The following SLCO2A1 variants were observed in gnomAD, a reference collection of about 807,000 sequenced individuals.
SLCO2A1 encodes the protein matrin F/G 1.
A neutral mutation model predicts 71.7 loss-of-function variants in SLCO2A1; 60 were observed. The ratio of observed to expected loss-of-function variants is 0.84; its 90% CI spans 0.68 to 1.04. The LOEUF is 1.04. Among genes scored for constraint, SLCO2A1 ranks in the 50% least tolerant of loss-of-function variants. The pLI is 0.00. For missense variants in SLCO2A1, 745 were observed against 813.4 expected (o/e 0.92, Z 1.02); for synonymous variants, 308 against 326.7 (o/e 0.94, Z 0.62).
chr3:133,948,109 G>A (rs1287470335), intron 8 of SLCO2A1, among the ~76,000 whole-genome samples: 1 of 152,166 alleles, frequency 6.6e-6, no homozygotes, highest in Non-Finnish European at 1.5e-5. Flanking sequence ...GGTGCAGCCT[G>A]GGTTGAGAAT....
rs372051007 is a variant in SLCO2A1 at position 133,962,962 on chromosome 3, C to T, written c.398-7769G>A. ...TATCAGTCTGTTTCTCATCTTCCCC[C>T]AGGCAACCTTCTGGAAGGCTCAAGT... is the stretch of plus-strand genomic sequence containing the variant. On this transcript the variant is annotated intron_variant, in intron 3 of 13. Transcript: ENST00000310926. Among the ~76,000 whole-genome samples the T allele has an allele frequency of 1.4e-3, 214 of 152,288 alleles. 1 individual carries two copies. Among genetic ancestry groups the T allele is most frequent in the African/African-American group, 4.8e-3 (200 of 41,570 alleles).
At chr3:133,976,990 C>T (rs1934474691) in intron 2 of SLCO2A1, among the ~76,000 whole-genome samples, 1 of 152,192 alleles carries the variant, frequency 6.6e-6, no homozygotes, top group African/African-American at 2.4e-5. Flanking sequence ...CTGGAAGCTG[C>T]AGACTGAAGG....
intron 1 of SLCO2A1, among the ~76,000 whole-genome samples, chr3:134,008,530 A>AT (rs1229346489): frequency 6.6e-6 from 1 of 152,180 alleles, no homozygotes; most frequent in Non-Finnish European, 1.5e-5. Context: ...CCCACCCAAG[A>AT]ATGTTCTCTA....
chr3:133,948,884 G>A lies in SLCO2A1; in HGVS notation c.940+9C>T, dbSNP rs776426056. 2.5e-6 allele frequency: 4 copies of A among 1,613,508 alleles called. No individual in the cohort carries two copies. The South Asian group carries it at 3.3e-5, about 13-fold the overall frequency. ...GTGCCAGCCCACCCAGGGCTGTAGG[G>A]TCAGTTACGTTTAATGAAATCCACC... On this transcript the variant is annotated intron_variant, in intron 7 of 13. Transcript: ENST00000310926.
intron 6 of SLCO2A1, 150 bp from the exon 7 acceptor site, chr3:133,949,121 T>C (rs1032033002): frequency 3.1e-6 from 2 of 645,634 alleles, no homozygotes; most frequent in Non-Finnish European, 5.5e-6. Flanking sequence ...ATCCAGAGAA[T>C]GCTCTCCTGA....
At chr3:134,029,299 C>A (rs1214204451) in intron 1 of SLCO2A1, among the ~76,000 whole-genome samples, 1 of 152,166 alleles carries the variant, frequency 6.6e-6, no homozygotes, top group Non-Finnish European at 1.5e-5. Flanking sequence ...CACCTCCAAG[C>A]CCATCCCATT....
At position 133,934,841 on chromosome 3, in the gene SLCO2A1, G is replaced by GA. The variant is rs1559926164; in HGVS notation, c.1815-12dup. The GA allele has an allele frequency of 1.9e-6, 3 of 1,603,632 alleles. No individual in the cohort carries two copies. Among genetic ancestry groups the GA allele is most frequent in the Non-Finnish European group, 2.6e-6 (3 of 1,176,188 alleles). On this transcript the variant is annotated splice_polypyrimidine_tract_variant and intron_variant, in intron 13 of 13. Coordinates refer to ENST00000310926, the MANE Select transcript of SLCO2A1 (RefSeq NM_005630.3). ...TGCAGGCCCAGGTACCTGTGGGCAG[G>GA]AGGAGGCAGGACTGGTGAGGGAGGG...
chr3:134,005,648 AT>A (rs1308150599), intron 1 of SLCO2A1, among the ~76,000 whole-genome samples: 1 of 151,636 alleles, frequency 6.6e-6, no homozygotes, highest in Non-Finnish European at 1.5e-5. Flanking sequence ...CGCCCGGCTA[AT>A]TTTTTGTATT....
intron 11 of SLCO2A1, among the ~76,000 whole-genome samples, chr3:133,940,758 C>T (rs939040090): frequency 1.3e-5 from 2 of 152,194 alleles, no homozygotes; most frequent in African/African-American, 4.8e-5. Flanking sequence ...GGAGGCAACA[C>T]GCCGTGGGTT....
intron 1 of SLCO2A1, among the ~76,000 whole-genome samples, chr3:134,027,311 A>C (rs192810135): frequency 1.9e-4 from 29 of 152,358 alleles, no homozygotes; most frequent in Non-Finnish European, 3.2e-4. Context: ...TAGCGCTGGT[A>C]GTTAAAGATC....
chr3:133,983,251 T>C (rs1934634560), intron 1 of SLCO2A1, among the ~76,000 whole-genome samples: 1 of 152,190 alleles, frequency 6.6e-6, no homozygotes, highest in Non-Finnish European at 1.5e-5. Flanking sequence ...AAGCCCAGTC[T>C]TCCTTACTCA....
chr3:133,991,456 C>G (rs752269832), intron 1 of SLCO2A1, among the ~76,000 whole-genome samples: 3 of 152,202 alleles, frequency 2.0e-5, no homozygotes, highest in Non-Finnish European at 2.9e-5. Context: ...AGGAAGAATG[C>G]CTGCACAAGA....
chr3:133,952,346 A>G (rs1933765381), intron 5 of SLCO2A1, among the ~76,000 whole-genome samples: 1 of 152,228 alleles, frequency 6.6e-6, no homozygotes, highest in Admixed American at 6.5e-5. Flanking sequence ...CATGGTTGCA[A>G]CTAGCACCTG....
intron 3 of SLCO2A1, among the ~76,000 whole-genome samples, chr3:133,957,239 C>G (rs560682293): frequency 5.5e-4 from 84 of 152,162 alleles, no homozygotes; most frequent in Non-Finnish European, 1.1e-3. Context: ...CTAGGTGAGC[C>G]TAAGTCCCAC....
chr3:133,994,476 C>T (rs1271421188), intron 1 of SLCO2A1, among the ~76,000 whole-genome samples: 2 of 152,208 alleles, frequency 1.3e-5, no homozygotes, highest in African/African-American at 2.4e-5. Flanking sequence ...TTCCCCTTGC[C>T]ATTTGTGATG....
intron 1 of SLCO2A1, among the ~76,000 whole-genome samples, chr3:133,987,508 C>T (rs995741793): frequency 6.6e-6 from 1 of 151,930 alleles, no homozygotes; most frequent in African/African-American, 2.4e-5. Context: ...TGGAAGTCCT[C>T]CCCCCACCCC....
In SLCO2A1 at chr3:134,020,795, G is replaced by A. The variant is rs59654106; in HGVS notation, c.96+8912C>T. Among the ~76,000 whole-genome samples, 1,202 of 150,430 alleles carry A rather than the reference G, an allele frequency of 8.0e-3. 13 individuals are homozygous for A. Among genetic ancestry groups the A allele is most frequent in the African/African-American group, 0.025 (1,012 of 40,746 alleles). On this transcript the variant is annotated intron_variant, in intron 1 of 13. Transcript: ENST00000310926. ...TGATCACGCATGGTGTGCCTTTATC[G>A]GCACTTTGGTTTTGGTTTTGACTTG...
intron 1 of SLCO2A1, among the ~76,000 whole-genome samples, chr3:133,987,600 T>C (rs770762192): frequency 2.6e-5 from 4 of 152,190 alleles, no homozygotes; most frequent in Non-Finnish European, 4.4e-5. Context: ...CTCCCTAAAA[T>C]GTACAAAACC....
intron 1 of SLCO2A1, among the ~76,000 whole-genome samples, chr3:133,986,243 GACAA>G (rs565007851): frequency 2.6e-5 from 4 of 152,290 alleles, no homozygotes; most frequent in African/African-American, 4.8e-5. Context: ...AAGGGAATTT[GACAA>G]ACAGTTTTTT....
Sources: gnomAD v4.1 joint callset for allele counts (sites outside exome capture counted in the v4.1 genomes callset) on GRCh38, gnomAD v4.1.1 for gene constraint, MANE v1.5 for transcripts, NCBI Gene and HGNC (gene_info 2026-07-23, HGNC 2026-07-21) for gene names.